Variants in PPIP5K1 observed in about 807,000 individuals in gnomAD.
The protein encoded by PPIP5K1 is diphosphoinositol pentakisphosphate kinase 1.
Under a neutral mutation model 27.7 loss-of-function variants are expected in PPIP5K1, and 6 were observed. That is an observed-to-expected ratio of 0.22 (90% CI 0.12 to 0.43). The LOEUF (loss-of-function observed/expected upper bound fraction) is 0.43, where lower values mean the gene tolerates loss of function less well. Among genes scored for constraint, PPIP5K1 ranks in the 20% least tolerant of loss-of-function variants. PPIP5K1 has a pLI of 1.00. For synonymous variants in PPIP5K1, 145 were observed against 242.6 expected, an observed-to-expected ratio of 0.60 and a Z score of 3.74; for missense variants, 394 against 635.4, an observed-to-expected ratio of 0.62 and a Z score of 4.08.
intron 30 of PPIP5K1, among the ~76,000 whole-genome samples, chr15:43,555,023 G>C (rs989094842): frequency 6.6e-6 from 1 of 151,858 alleles, no homozygotes; most frequent in Non-Finnish European, 1.5e-5. Flanking sequence ...TTTTAGTAGA[G>C]ACAAGGTTTC....
In PPIP5K1 at chr15:43,533,626, G is replaced by A. The variant is rs2079499673; in HGVS notation, c.*1048C>T. On this transcript the variant is annotated 3_prime_UTR_variant, in exon 32 of 32. Coordinates refer to ENST00000420765, the MANE Select transcript of PPIP5K1 (RefSeq NM_001394395.1). The stretch of plus-strand genomic sequence containing the variant: ...CTGGCCCTCAGACACAATGATATAA[G>A]GACAAATTTCTTGGGGACCCTGCAG... 6.6e-6 allele frequency: 1 copy of A among 152,478 alleles called. No individual in the cohort carries two copies. The highest frequency in any genetic ancestry group is 2.4e-5 in the African/African-American group (1 of 41,388). 9.4% of individuals were successfully genotyped at this position (152,478 alleles called of 1,614,324 possible).
chr15:43,537,105 G>A (rs776559528), intron 31 of PPIP5K1, among the ~76,000 whole-genome samples: 8 of 151,768 alleles, frequency 5.3e-5, no homozygotes, highest in Non-Finnish European at 1.2e-4. Context: ...GGGAGGCCGA[G>A]GTGGGCAGAT....
chr15:43,538,904 G>T (rs1400455475), intron 31 of PPIP5K1, among the ~76,000 whole-genome samples: 2 of 152,178 alleles, frequency 1.3e-5, no homozygotes, highest in Non-Finnish European at 1.5e-5. Flanking sequence ...AAAGGGGAAT[G>T]AAGTCTCCAT....
chr15:43,550,147 T>G (rs559614060), intron 30 of PPIP5K1, among the ~76,000 whole-genome samples: 1 of 151,988 alleles, frequency 6.6e-6, no homozygotes, highest in Non-Finnish European at 1.5e-5. Flanking sequence ...TTCTTTCTTT[T>G]TTTTTTGAGA....
intron 30 of PPIP5K1, among the ~76,000 whole-genome samples, chr15:43,540,012 GGA>G (rs1442903221): frequency 6.6e-6 from 1 of 152,300 alleles, no homozygotes; most frequent in African/African-American, 2.4e-5. Context: ...TAACACTTTA[GGA>G]GGTCGAGGCA....
chr15:43,541,214 G>C (rs1196028073), intron 30 of PPIP5K1, among the ~76,000 whole-genome samples: 1 of 152,060 alleles, frequency 6.6e-6, no homozygotes, highest in Non-Finnish European at 1.5e-5. Flanking sequence ...CCTGGCTCAA[G>C]CGATCATCAC....
intron 30 of PPIP5K1, among the ~76,000 whole-genome samples, chr15:43,558,360 T>G (rs1325988994): frequency 6.6e-6 from 1 of 152,062 alleles, no homozygotes; most frequent in African/African-American, 2.4e-5. Flanking sequence ...CCTGGGTAGC[T>G]GGGACTGCAG....
At chr15:43,555,732 A>G (rs2082853466) in intron 30 of PPIP5K1, among the ~76,000 whole-genome samples, 1 of 151,990 alleles carries the variant, frequency 6.6e-6, no homozygotes, top group Admixed American at 6.6e-5. Context: ...CGGCCTCCCA[A>G]GTAGCTGGGA....
intron 31 of PPIP5K1, chr15:43,537,414 C>T (rs553918927): frequency 4.0e-5 from 12 of 303,504 alleles, no homozygotes; most frequent in South Asian, 1.3e-4. Context: ...AGAAGCCAGA[C>T]GCGGTGGCTC....
chr15:43,547,334 G>A (rs1026245275), intron 30 of PPIP5K1, among the ~76,000 whole-genome samples: 1 of 152,068 alleles, frequency 6.6e-6, no homozygotes, highest in Admixed American at 6.6e-5. Context: ...TTTACTTTTT[G>A]ATAATATCCT....
chr15:43,549,429 C>T lies in PPIP5K1; in HGVS notation c.3556+9366G>A, dbSNP rs547789910. Reference sequence around the variant, plus strand: ...CTGTAATCCCAGCACTTTGGGAGGCCGAGGTGGCAGGATCACTTGAAGCCA... The same window carrying T: ...CTGTAATCCCAGCACTTTGGGAGGCTGAGGTGGCAGGATCACTTGAAGCCA... On this transcript the variant is annotated intron_variant, in intron 30 of 31. Coordinates refer to ENST00000420765, the MANE Select transcript of PPIP5K1 (RefSeq NM_001394395.1). Among the ~76,000 whole-genome samples, 158 of 149,954 alleles carry T rather than the reference C, an allele frequency of 1.1e-3. 1 individual carries two copies. Among genetic ancestry groups the T allele is most frequent in the East Asian group, 4.0e-4 (2 of 5,014 alleles).
rs573358782 is a variant in PPIP5K1 at position 43,559,440 on chromosome 15, A to C, written c.3419-508T>G. ...CATGCAAATTTAGGATGTCGGCAGAAAGGCTAGAATACTTGGATGCAAACT... is the reference window on the plus strand; with the variant it reads ...CATGCAAATTTAGGATGTCGGCAGACAGGCTAGAATACTTGGATGCAAACT... On this transcript the variant is annotated intron_variant, in intron 29 of 31. Coordinates refer to ENST00000420765, the MANE Select transcript of PPIP5K1 (RefSeq NM_001394395.1). Among the ~76,000 whole-genome samples, 11 of 152,304 alleles carry C rather than the reference A, an allele frequency of 7.2e-5. No homozygotes were observed. In the East Asian group the frequency reaches 2.1e-3, roughly 29 times the overall value.
In PPIP5K1 at chr15:43,535,388, A is replaced by T; in HGVS notation, c.3759T>A (p.Asp1253Glu). ...VDGNSQFGFSDQPSLNSHVAE... is the reference protein window; with the variant it reads ...VDGNSQFGFSEQPSLNSHVAE... ...CCACGTGTGAATTTAGGGAGGGTTGATCACTGAAGCCAAATTGGGAGTTAC... is the reference window on the plus strand; with the variant it reads ...CCACGTGTGAATTTAGGGAGGGTTGTTCACTGAAGCCAAATTGGGAGTTAC... Residue 1253 changes from aspartate to glutamate, a missense_variant, in exon 32 of 32, where the codon GAT becomes GAA. This residue lies in a region of PPIP5K1 where 379 missense variants were observed against 423.9 expected (regional missense o/e 0.89). Coordinates refer to ENST00000420765, the MANE Select transcript of PPIP5K1 (RefSeq NM_001394395.1). 1 of 1,614,128 alleles carries T rather than the reference A, an allele frequency of 6.2e-7. No homozygotes were observed.
At chr15:43,555,202 T>C (rs1298708117) in intron 30 of PPIP5K1, among the ~76,000 whole-genome samples, 1 of 152,200 alleles carries the variant, frequency 6.6e-6, no homozygotes, top group Non-Finnish European at 1.5e-5. Context: ...TTCCTAAATC[T>C]TGATTGCTTT....
At chr15:43,545,548 G>A (rs546636997) in intron 30 of PPIP5K1, among the ~76,000 whole-genome samples, 1 of 148,030 alleles carries the variant, frequency 6.8e-6, no homozygotes, top group African/African-American at 2.5e-5. Context: ...CACAATCACA[G>A]CTCACTCCAT....
chr15:43,586,706 G>GATAATAATA lies in PPIP5K1; in HGVS notation c.-122-1823_-122-1815dup, dbSNP rs139100270. Among the ~76,000 whole-genome samples the GATAATAATA allele has an allele frequency of 8.3e-5, 8 of 96,586 alleles. 1 individual carries two copies. The highest frequency in any genetic ancestry group is 3.1e-4 in the East Asian group (1 of 3,252). 63.4% of individuals were successfully genotyped at this position (96,586 alleles called of 152,430 possible). ...GCAAAACCCTGCCTCAAATAATGATGATAATAATAATAATAATAATAATAA... is the reference window on the plus strand; with the variant it reads ...GCAAAACCCTGCCTCAAATAATGATGATAATAATAATAATAATAATAATAATAATAATAA... On this transcript the variant is annotated intron_variant, in intron 1 of 31. Transcript: ENST00000420765.
At chr15:43,541,742 A>AAG (rs1555422536) in intron 30 of PPIP5K1, among the ~76,000 whole-genome samples, 2 of 151,776 alleles carry the variant, frequency 1.3e-5, no homozygotes, top group African/African-American at 2.4e-5. Flanking sequence ...AAAAAAAAAA[A>AAG]AGAGAGAAAA....
In PPIP5K1 at chr15:43,534,519, T is replaced by G. The variant is rs1211834423; in HGVS notation, c.*155A>C. On this transcript the variant is annotated 3_prime_UTR_variant, in exon 32 of 32. Transcript: ENST00000420765. ...GGCTGGTATAGTGTGATACCACTAA[T>G]GAGAAAATTAATCACATGTTGCTGG... The G allele has an allele frequency of 4.3e-5, 29 of 679,322 alleles. No individual in the cohort carries two copies. The highest frequency in any genetic ancestry group is 6.0e-5 in the Non-Finnish European group (25 of 415,358). The allele number at this position is 679,322 out of a possible 1,614,324, so 42.1% of individuals were successfully genotyped here.
At chr15:43,544,097 T>C (rs534138367) in intron 30 of PPIP5K1, among the ~76,000 whole-genome samples, 1 of 152,192 alleles carries the variant, frequency 6.6e-6, no homozygotes, top group Non-Finnish European at 1.5e-5. Context: ...AAGTCAAAGC[T>C]ATACAAAAAG....
Sources: gnomAD v4.1 joint callset for allele counts (sites outside exome capture counted in the v4.1 genomes callset) on GRCh38, gnomAD v4.1.1 for gene constraint, gnomAD v4.1.1 regional missense constraint, MANE v1.5 for transcripts, NCBI Gene and HGNC (gene_info 2026-07-23, HGNC 2026-07-21) for gene names.